The following NRXN3 variants were observed in gnomAD, a reference collection of about 807,000 sequenced individuals.
NRXN3 encodes neurexin III.
In NRXN3, 32 loss-of-function variants were observed where a neutral mutation model predicts 137.6. The observed-to-expected ratio is 0.23, with a 90% CI of 0.18 to 0.31. The LOEUF is 0.31. Among genes scored for constraint, NRXN3 ranks in the 10% least tolerant of loss-of-function variants. The pLI, the probability that NRXN3 is intolerant of heterozygous loss-of-function variation, is 1.00. For missense variants in NRXN3, 1,574 were observed against 2,062.5 expected, an observed-to-expected ratio of 0.76 and a Z score of 4.59; for synonymous variants, 798 against 784.5, an observed-to-expected ratio of 1.02 and a Z score of -0.29.
intron 14 of NRXN3, among the ~76,000 whole-genome samples, chr14:78,984,040 AATAGTGGCT>A (rs1489227804): frequency 2.0e-5 from 3 of 151,992 alleles, no homozygotes; most frequent in Non-Finnish European, 2.9e-5. Flanking sequence ...TAGAGAATAG[AATAGTGGCT>A]ATAGGAGGCG....
chr14:79,084,926 G>A (rs10130794), intron 15 of NRXN3, among the ~76,000 whole-genome samples: 6,587 of 152,154 alleles, frequency 0.043, 519 homozygotes, highest in African/African-American at 0.15. Flanking sequence ...TTTATAGACT[G>A]TTGGGGACCA....
chr14:79,542,591 C>A (rs960225150), intron 16 of NRXN3, among the ~76,000 whole-genome samples: 1 of 152,104 alleles, frequency 6.6e-6, no homozygotes, highest in Non-Finnish European at 1.5e-5. Context: ...AGGGCCTAAC[C>A]CCACAAGCAT....
At chr14:79,401,597 GC>G (rs1371419880) in intron 15 of NRXN3, among the ~76,000 whole-genome samples, 3 of 152,000 alleles carry the variant, frequency 2.0e-5, no homozygotes, top group African/African-American at 7.3e-5. Context: ...TTTCTGTAAT[GC>G]CTCAAGATCT....
chr14:78,636,836 A>T (rs116494201), intron 4 of NRXN3, among the ~76,000 whole-genome samples: 1 of 151,774 alleles, frequency 6.6e-6, no homozygotes, highest in African/African-American at 2.4e-5. Context: ...TTTATTTTTT[A>T]TTTTTTTAGC....
chr14:79,498,096 T>G (rs1303648497), intron 16 of NRXN3, among the ~76,000 whole-genome samples: 1 of 152,078 alleles, frequency 6.6e-6, no homozygotes, highest in African/African-American at 2.4e-5. Context: ...GTGTTTAAAA[T>G]AGTTATATCT....
intron 15 of NRXN3, among the ~76,000 whole-genome samples, chr14:79,454,635 T>C (rs2096233389): frequency 6.6e-6 from 1 of 152,234 alleles, no homozygotes; most frequent in South Asian, 2.1e-4. Context: ...ATTGTGATAA[T>C]GAACATCTCT....
At chr14:79,727,814 C>T (rs895716866) in intron 19 of NRXN3, among the ~76,000 whole-genome samples, 1 of 152,082 alleles carries the variant, frequency 6.6e-6, no homozygotes, top group Non-Finnish European at 1.5e-5. Flanking sequence ...GAGAGAAATC[C>T]TGGACTTTTT....
intron 4 of NRXN3, among the ~76,000 whole-genome samples, chr14:78,450,050 A>G (rs977034608): frequency 1.3e-5 from 2 of 152,184 alleles, no homozygotes; most frequent in Non-Finnish European, 2.9e-5. Context: ...CCTGAGGCAT[A>G]TGGAAAGCTC....
chr14:79,119,179 TACTTAA>T (rs572992347), intron 15 of NRXN3, among the ~76,000 whole-genome samples: 395 of 152,322 alleles, frequency 2.6e-3, no homozygotes, highest in Non-Finnish European at 4.3e-3. Flanking sequence ...ATACCTTTTA[TACTTAA>T]ACTTAAATCT....
rs1163720240 is a variant in NRXN3 at position 78,990,361 on chromosome 14, A to ATTTTTTTTT, written c.3262+2237_3262+2245dup. Among the ~76,000 whole-genome samples, 26 of 76,070 alleles carry ATTTTTTTTT rather than the reference A, an allele frequency of 3.4e-4. 3 individuals are homozygous for ATTTTTTTTT. The highest frequency in any genetic ancestry group is 1.1e-3 in the African/African-American group (21 of 18,598). 49.9% of individuals were successfully genotyped at this position (76,070 alleles called of 152,430 possible). ...CATGCAAATGATGAAGTTCACATCT[A>ATTTTTTTTT]TTTTTTTTTTTTTTTTTTTTTTTTT... is the stretch of plus-strand genomic sequence containing the variant. On this transcript the variant is annotated intron_variant, in intron 15 of 20. Transcript: ENST00000335750.
chr14:79,497,740 A>G (rs2096780881), intron 16 of NRXN3, among the ~76,000 whole-genome samples: 1 of 152,172 alleles, frequency 6.6e-6, no homozygotes, highest in Non-Finnish European at 1.5e-5. Flanking sequence ...TTAGTGAATT[A>G]AAAAGCCAGA....
At chr14:78,939,780 C>T (rs1461359604) in intron 10 of NRXN3, among the ~76,000 whole-genome samples, 1 of 152,178 alleles carries the variant, frequency 6.6e-6, no homozygotes, top group African/African-American at 2.4e-5. Context: ...GTACTTTCAT[C>T]CCTTTCTATG....
rs549968848 is a variant in NRXN3 at position 79,416,654 on chromosome 14, A to T, written c.3263-50567A>T. On this transcript the variant is annotated intron_variant, in intron 15 of 20. Coordinates refer to ENST00000335750, the MANE Select transcript of NRXN3 (RefSeq NM_001330195.2). ...TCTGTTATTATTTGTCTCTGTTTGA[A>T]CCCATGCAAAACCTTCATCCACACA... Among the ~76,000 whole-genome samples, 8 of 152,184 alleles carry T rather than the reference A, an allele frequency of 5.3e-5. No homozygotes were observed. In the South Asian group the frequency reaches 1.7e-3, roughly 32 times the overall value.
intron 19 of NRXN3, among the ~76,000 whole-genome samples, chr14:79,739,831 C>A (rs1301169808): frequency 1.3e-5 from 2 of 152,064 alleles, no homozygotes; most frequent in African/African-American, 2.4e-5. Context: ...CACTATTTCC[C>A]AAATAAACCT....
chr14:78,759,967 G>C (rs976040777), intron 8 of NRXN3, among the ~76,000 whole-genome samples: 5 of 150,676 alleles, frequency 3.3e-5, no homozygotes, highest in Admixed American at 3.3e-4. Context: ...GAAGCACAGA[G>C]AGTTAAGTAG....
At chr14:78,307,955 T>C (rs570353097) in intron 4 of NRXN3, among the ~76,000 whole-genome samples, 1 of 152,244 alleles carries the variant, frequency 6.6e-6, no homozygotes, top group South Asian at 2.1e-4. Flanking sequence ...GCTCTTTTTT[T>C]CCCCCAACCC....
chr14:79,710,409 C>CCTGTTT (rs2098799165), intron 19 of NRXN3, among the ~76,000 whole-genome samples: 1 of 152,144 alleles, frequency 6.6e-6, no homozygotes, highest in African/African-American at 2.4e-5. Flanking sequence ...CTGATTCTCT[C>CCTGTTT]CTGTTTCTCA....
intron 6 of NRXN3, among the ~76,000 whole-genome samples, chr14:78,665,317 C>T (rs967788156): frequency 1.2e-4 from 18 of 152,226 alleles, no homozygotes; most frequent in Middle Eastern, 6.8e-3. Context: ...AACTTACCAT[C>T]GTGGTGGAAG....
intron 15 of NRXN3, among the ~76,000 whole-genome samples, chr14:79,393,676 G>A (rs531628590): frequency 4.6e-5 from 7 of 152,202 alleles, no homozygotes; most frequent in Admixed American, 1.3e-4. Context: ...TTAACCGGGC[G>A]TGGTGGCGGG....
Sources: allele counts gnomAD v4.1 joint callset (sites outside exome capture counted in the v4.1 genomes callset), GRCh38; gene constraint gnomAD v4.1.1; transcripts MANE v1.5; gene names NCBI Gene and HGNC (gene_info 2026-07-23, HGNC 2026-07-21).